Variants in LAMA2 observed in about 807,000 individuals in gnomAD.
The protein encoded by LAMA2 is laminin subunit alpha 2, also known as laminin subunit alpha-2.
LAMA2 carries 269 observed loss-of-function variants against 364.8 expected under a neutral mutation model. That is an observed-to-expected ratio of 0.74 (90% CI 0.67 to 0.82). The LOEUF (loss-of-function observed/expected upper bound fraction) is 0.82. Among genes scored for constraint, LAMA2 ranks in the 40% least tolerant of loss-of-function variants. The pLI is 0.00. For synonymous variants in LAMA2, 1,379 were observed against 1,370.6 expected (o/e 1.01, Z -0.14); for missense variants, 3,807 against 3,873.2 (o/e 0.98, Z 0.45).
chr6:129,486,683 GGTATCTATCA>G, intron 56 of LAMA2, 61 bp downstream of exon 56: 1 of 1,478,922 alleles, frequency 6.8e-7, no homozygotes, highest in African/African-American at 1.4e-5. Context: ...TGCTAGCATC[GGTATCTATCA>G]GTATCTGCCT....
chr6:129,337,685 G>A (rs1321562269), intron 29 of LAMA2, among the ~76,000 whole-genome samples: 1 of 151,990 alleles, frequency 6.6e-6, no homozygotes, highest in Non-Finnish European at 1.5e-5. Flanking sequence ...TAATGTTATA[G>A]TCATTTGATT....
At chr6:129,047,023 A>T (rs1469833497) in intron 1 of LAMA2, among the ~76,000 whole-genome samples, 1 of 152,208 alleles carries the variant, frequency 6.6e-6, no homozygotes, top group Non-Finnish European at 1.5e-5. Context: ...AAATAGAAAG[A>T]TATACAGACA....
chr6:129,179,846 A>T (rs1305792100), intron 10 of LAMA2, among the ~76,000 whole-genome samples: 1 of 152,166 alleles, frequency 6.6e-6, no homozygotes, highest in Admixed American at 6.6e-5. Flanking sequence ...ATCACAAATT[A>T]TATGCATATA....
intron 34 of LAMA2, among the ~76,000 whole-genome samples, chr6:129,372,404 A>G (rs1778139265): frequency 1.3e-5 from 2 of 152,188 alleles, no homozygotes; most frequent in Admixed American, 1.3e-4. Flanking sequence ...ACAGTGTGGT[A>G]CTTTTTCATA....
chr6:129,133,529 G>GC (rs1305836181), intron 4 of LAMA2, among the ~76,000 whole-genome samples: 2 of 152,116 alleles, frequency 1.3e-5, no homozygotes, highest in Non-Finnish European at 2.9e-5. Context: ...GAGTTGGTAG[G>GC]CAAGTGTCAG....
chr6:128,935,028 C>T (rs960900362), intron 1 of LAMA2, among the ~76,000 whole-genome samples: 6 of 152,028 alleles, frequency 3.9e-5, no homozygotes, highest in South Asian at 2.1e-4. Flanking sequence ...TAAATTTATT[C>T]GTATATATTT....
chr6:129,245,407 A>G (rs1219134861), intron 12 of LAMA2, among the ~76,000 whole-genome samples: 1 of 152,142 alleles, frequency 6.6e-6, no homozygotes, highest in Non-Finnish European at 1.5e-5. Flanking sequence ...GAGAAAATGA[A>G]ATGTTCTATT....
At chr6:129,483,895 G>A (rs1784473673) in intron 55 of LAMA2, among the ~76,000 whole-genome samples, 2 of 152,100 alleles carry the variant, frequency 1.3e-5, no homozygotes, top group Admixed American at 1.3e-4. Flanking sequence ...AATGATTTCA[G>A]GGCAATTGGT....
At chr6:128,954,433 G>T (rs556553451) in intron 1 of LAMA2, among the ~76,000 whole-genome samples, 2 of 151,914 alleles carry the variant, frequency 1.3e-5, no homozygotes, top group African/African-American at 2.4e-5. Flanking sequence ...GAAATTCTTT[G>T]TGTCTTAGGA....
rs780723581 is a variant in LAMA2 at position 129,149,095 on chromosome 6, A to C, written c.1026A>C (p.Glu342Asp). 13 of 1,568,664 alleles carry C rather than the reference A, an allele frequency of 8.3e-6. No individual in the cohort carries two copies. Among genetic ancestry groups the C allele is most frequent in the Non-Finnish European group, 1.1e-5 (13 of 1,138,772 alleles). Residue 342 changes from glutamate (E) to aspartate (D), a missense_variant and splice_region_variant, in exon 7 of 65, where the codon GAA becomes GAC. Glu to Asp is a conservative substitution (Grantham distance 45). This residue lies in a region of LAMA2 where 80 missense variants were observed against 124.0 expected (regional missense o/e 0.65). Transcript: ENST00000421865. ...CTTTTCTAACTAAAACTGAATGTGAAGGTATGTTCTTTAGAAGCCAACAAA... is the reference window on the plus strand; with the variant it reads ...CTTTTCTAACTAAAACTGAATGTGACGGTATGTTCTTTAGAAGCCAACAAA... ...AGTFLTKTEC[E>D]ACNCHGKAEE...
chr6:129,071,422 G>A (rs1048668330), intron 3 of LAMA2, among the ~76,000 whole-genome samples: 1 of 151,792 alleles, frequency 6.6e-6, no homozygotes, highest in East Asian at 1.9e-4. Context: ...GCTCTTATAT[G>A]TCTTGTTTTT....
intron 20 of LAMA2, chr6:129,293,074 C>G: frequency 1.0e-6 from 1 of 985,938 alleles, no homozygotes; most frequent in Non-Finnish European, 1.2e-6. Flanking sequence ...CCGGTAATCC[C>G]AGAGGCGCTG....
At chr6:129,162,188 G>A (rs1050196514) in intron 8 of LAMA2, among the ~76,000 whole-genome samples, 6 of 152,052 alleles carry the variant, frequency 3.9e-5, no homozygotes, top group East Asian at 1.9e-4. Flanking sequence ...AGTAATAGCC[G>A]TTCTGACCAG....
intron 1 of LAMA2, among the ~76,000 whole-genome samples, chr6:128,964,423 C>T (rs919945412): frequency 6.6e-6 from 1 of 151,960 alleles, no homozygotes; most frequent in African/African-American, 2.4e-5. Context: ...TTCACCTCTC[C>T]CACAGTGAAT....
chr6:129,406,757 A>G (rs1241848445), intron 40 of LAMA2, among the ~76,000 whole-genome samples: 3 of 152,190 alleles, frequency 2.0e-5, no homozygotes, highest in Non-Finnish European at 1.5e-5. Context: ...GACAGAACTA[A>G]TAGGATAGAT....
At chr6:129,436,484 G>T (rs182793025) in intron 41 of LAMA2, among the ~76,000 whole-genome samples, 1 of 152,138 alleles carries the variant, frequency 6.6e-6, no homozygotes, top group African/African-American at 2.4e-5. Context: ...TCTTATTAGG[G>T]TATTTTTATT....
intron 34 of LAMA2, among the ~76,000 whole-genome samples, chr6:129,371,438 A>G (rs1778071301): frequency 6.6e-6 from 1 of 152,150 alleles, no homozygotes; most frequent in Non-Finnish European, 1.5e-5. Context: ...ATTTCATGTA[A>G]TAAATGGCAT....
intron 12 of LAMA2, among the ~76,000 whole-genome samples, chr6:129,236,116 TA>T (rs1473632282): frequency 6.6e-6 from 1 of 152,168 alleles, no homozygotes; most frequent in African/African-American, 2.4e-5. Flanking sequence ...TACATATGTA[TA>T]GCCTCCAAAA....
At chr6:129,238,557 G>A (rs1017432867) in intron 12 of LAMA2, among the ~76,000 whole-genome samples, 1 of 124,356 alleles carries the variant, frequency 8.0e-6, no homozygotes, top group Non-Finnish European at 1.7e-5. Flanking sequence ...GCGTGTTCAT[G>A]TGTGTGTGTG....
Sources: gnomAD v4.1 joint callset for allele counts (sites outside exome capture counted in the v4.1 genomes callset) on GRCh38, gnomAD v4.1.1 for gene constraint, gnomAD v4.1.1 regional missense constraint, MANE v1.5 for transcripts, NCBI Gene and HGNC (gene_info 2026-07-23, HGNC 2026-07-21) for gene names.